The following ZNF365 variants were observed in gnomAD, a reference collection of about 807,000 sequenced individuals.
The protein encoded by ZNF365 is zinc finger protein 365.
Under a neutral mutation model 35.0 loss-of-function variants are expected in ZNF365, and 22 were observed. The observed-to-expected ratio is 0.63, with a 90% confidence interval of 0.45 to 0.90. ZNF365 has a LOEUF of 0.90. ZNF365 is among the 40% of genes least tolerant of loss of function. The probability of loss-of-function intolerance (pLI) is 0.00; values close to 1 mark genes in which losing one functional copy is unlikely to be tolerated. For synonymous variants in ZNF365, 188 were observed against 196.2 expected (o/e 0.96, Z 0.35); for missense variants, 448 against 500.3 (o/e 0.90, Z 1.00).
intron 4 of ZNF365, among the ~76,000 whole-genome samples, chr10:62,475,531 T>C (rs1841115528): frequency 6.6e-6 from 1 of 152,288 alleles, no homozygotes; most frequent in Non-Finnish European, 1.5e-5. Context: ...CATCTCATGC[T>C]ACCTTGAAAG....
chr10:62,399,770 C>A lies in ZNF365; in HGVS notation c.1205C>A (p.Ala402Asp). 6.2e-7 allele frequency: 1 copy of A among 1,613,144 alleles called. No individual in the cohort carries two copies. The highest frequency in any genetic ancestry group is 1.1e-5 in the South Asian group (1 of 91,048). The change falls in exon 5 of 5, where the codon GCC (alanine) becomes GAC (aspartate). Residue 402 changes from alanine to aspartate, a missense_variant. Ala to Asp is a moderately radical substitution (Grantham distance 126, BLOSUM62 -2). This residue lies in a region of ZNF365 where 362 missense variants were observed against 375.7 expected (regional missense o/e 0.96). Transcript: ENST00000395254. Reference sequence around the variant, plus strand: ...AAAATGGCTAAAAAAAAGCCAACAGCCATTGTGAACATCATCTAAAAGGGT... The same window carrying A: ...AAAATGGCTAAAAAAAAGCCAACAGACATTGTGAACATCATCTAAAAGGGT... Reference protein sequence around the residue: ...RPKMAKKKPTAIVNII With the variant: ...RPKMAKKKPTDIVNII
chr10:62,392,603 CGTTTGTTTGTTT>C (rs139529803), intron 3 of ZNF365, among the ~76,000 whole-genome samples: 4,431 of 150,356 alleles, frequency 0.029, 110 homozygotes, highest in African/African-American at 0.063. Flanking sequence ...GTCTATGTGC[CGTTTGTTTGTTT>C]GTTTGTTTGT....
chr10:62,439,257 CCT>C (rs891198440), intron 3 of ZNF365, among the ~76,000 whole-genome samples: 28 of 152,000 alleles, frequency 1.8e-4, no homozygotes, highest in African/African-American at 6.0e-4. Context: ...TCTCTGTCTT[CCT>C]CTCTCTCTTT....
intron 2 of ZNF365, among the ~76,000 whole-genome samples, chr10:62,387,309 G>C (rs1006530732): frequency 2.0e-5 from 3 of 152,110 alleles, no homozygotes. Flanking sequence ...GTGCTTGGGT[G>C]GGTGTGTTTG....
At chr10:62,414,598 T>C (rs934181727) in intron 3 of ZNF365, among the ~76,000 whole-genome samples, 1 of 152,202 alleles carries the variant, frequency 6.6e-6, no homozygotes. Context: ...GTAATGCATC[T>C]TCTTTTTTTC....
At chr10:62,409,940 C>A (rs1208084529) in intron 3 of ZNF365, among the ~76,000 whole-genome samples, 1 of 152,064 alleles carries the variant, frequency 6.6e-6, no homozygotes. Flanking sequence ...CTATCAGGGC[C>A]AATTTCCTCT....
chr10:62,479,514 G>A (rs1158953254), intron 4 of ZNF365, among the ~76,000 whole-genome samples: 3 of 152,178 alleles, frequency 2.0e-5, no homozygotes. Flanking sequence ...TTGCACTCAT[G>A]GTGATTATAT....
intron 3 of ZNF365, among the ~76,000 whole-genome samples, chr10:62,447,825 C>T (rs972970074): frequency 2.6e-5 from 4 of 152,178 alleles, no homozygotes; most frequent in African/African-American, 7.2e-5. Flanking sequence ...GGTTTCATGG[C>T]AGGCAACTGA....
chr10:62,419,672 A>G (rs1840135740), intron 3 of ZNF365, among the ~76,000 whole-genome samples: 1 of 152,192 alleles, frequency 6.6e-6, no homozygotes, highest in Non-Finnish European at 1.5e-5. Flanking sequence ...CAGCAACAGC[A>G]AACAGTTTTG....
chr10:62,389,222 C>T (rs1448493307), intron 3 of ZNF365, among the ~76,000 whole-genome samples: 1 of 128,598 alleles, frequency 7.8e-6, no homozygotes, highest in Non-Finnish European at 1.6e-5. Flanking sequence ...TCAGGATTCC[C>T]TTGGTCTCGT....
chr10:62,388,123 T>C (rs1839554167), intron 2 of ZNF365, among the ~76,000 whole-genome samples: 1 of 152,258 alleles, frequency 6.6e-6, no homozygotes, highest in African/African-American at 2.4e-5. Context: ...TTCCTTCCTC[T>C]GTCACTGTCC....
chr10:62,399,508 C>T lies in ZNF365; in HGVS notation c.963-20C>T. The T allele has an allele frequency of 1.9e-6, 3 of 1,609,330 alleles. No individual in the cohort carries two copies. Among genetic ancestry groups the T allele is most frequent in the Non-Finnish European group, 2.5e-6 (3 of 1,177,042 alleles). The stretch of plus-strand genomic sequence containing the variant: ...CTTTCTGCTCATCTCTTCTCCACTC[C>T]CCCCTCCAACCCTCTGTAGAAGCCG... On this transcript the variant is annotated intron_variant, in intron 4 of 4. Coordinates refer to ENST00000395254, the MANE Select transcript of ZNF365 (RefSeq NM_014951.3).
intron 3 of ZNF365, among the ~76,000 whole-genome samples, chr10:62,395,962 T>C (rs961325544): frequency 2.6e-5 from 4 of 152,128 alleles, no homozygotes; most frequent in African/African-American, 7.2e-5. Context: ...CTCCTCTCCC[T>C]AATCAAAAAG....
chr10:62,384,207 A>C (rs1048655079), intron 2 of ZNF365, among the ~76,000 whole-genome samples: 2 of 151,830 alleles, frequency 1.3e-5, no homozygotes, highest in Admixed American at 1.3e-4. Context: ...CCACACCCTG[A>C]TTGAGTTTCA....
chr10:62,458,363 T>C (rs1444850293), intron 3 of ZNF365, among the ~76,000 whole-genome samples: 1 of 152,202 alleles, frequency 6.6e-6, no homozygotes. Context: ...GATGGTTTCC[T>C]TTTTTGTCTT....
chr10:62,420,742 C>G (rs944609215), intron 3 of ZNF365, among the ~76,000 whole-genome samples: 15 of 151,558 alleles, frequency 9.9e-5, no homozygotes, highest in Non-Finnish European at 1.9e-4. Context: ...TTGTATGCAC[C>G]TAATGTCTTC....
At position 62,400,415 on chromosome 10, in the gene ZNF365, T is replaced by C. The variant is rs1190701752; in HGVS notation, c.*626T>C. 21 of 986,038 alleles carry C rather than the reference T, an allele frequency of 2.1e-5. No individual in the cohort carries two copies. The Admixed American group carries it at 5.5e-4, about 26-fold the overall frequency. The allele number at this position is 986,038 out of a possible 1,614,324, so 61.1% of individuals were successfully genotyped here. ...GGTGTCTTTCAGTTCGTTTGTTTGA[T>C]TGAGGTTTTTTGGTGGCCTAGATGC... is the stretch of plus-strand genomic sequence containing the variant. On this transcript the variant is annotated 3_prime_UTR_variant, in exon 5 of 5. Coordinates refer to ENST00000395254, the MANE Select transcript of ZNF365 (RefSeq NM_014951.3).
rs534807387 is a variant in ZNF365, at chr10:62,458,197, C to T, written c.925-1544C>T. Reference sequence around the variant, plus strand: ...GAGTTCTGAATCTGTTCATGTCCAACGTGAAGATTCCCCAAGGCTTCTTTG... The same window carrying T: ...GAGTTCTGAATCTGTTCATGTCCAATGTGAAGATTCCCCAAGGCTTCTTTG... On this transcript the variant is annotated intron_variant, in intron 3 of 4. Coordinates refer to the ZNF365 transcript ENST00000395255. Among the ~76,000 whole-genome samples, 259 of 152,288 alleles carry T rather than the reference C, an allele frequency of 1.7e-3. 1 individual carries two copies. Among genetic ancestry groups the T allele is most frequent in the Admixed American group, 5.3e-3 (81 of 15,294 alleles).
At chr10:62,391,868 T>A (rs765189528) in intron 3 of ZNF365, among the ~76,000 whole-genome samples, 1 of 152,208 alleles carries the variant, frequency 6.6e-6, no homozygotes, top group Non-Finnish European at 1.5e-5. Context: ...TCCCACCAGC[T>A]GTATGAAAGT....
Sources: allele counts gnomAD v4.1 joint callset (sites outside exome capture counted in the v4.1 genomes callset), GRCh38; gene constraint gnomAD v4.1.1; regional missense constraint gnomAD v4.1.1; transcripts MANE v1.5; gene names NCBI Gene and HGNC (gene_info 2026-07-23, HGNC 2026-07-21).